The following PDE1A variants were observed in gnomAD, a reference collection of about 807,000 sequenced individuals.
PDE1A encodes the protein phosphodiesterase 1A, also known as dual specificity calcium/calmodulin-dependent 3',5'-cyclic nucleotide phosphodiesterase 1A.
PDE1A carries 35 observed loss-of-function variants against 61.7 expected under a neutral mutation model. The ratio of observed to expected loss-of-function variants is 0.57; its 90% CI spans 0.43 to 0.75. The LOEUF is 0.75. PDE1A is among the 30% of genes least tolerant of loss of function. The pLI is 0.00. For synonymous variants in PDE1A, 232 were observed against 213.2 expected (o/e 1.09, Z -0.77); for missense variants, 597 against 630.6 (o/e 0.95, Z 0.57).
At chr2:182,610,375 C>A in the PDE1A span, among the ~76,000 whole-genome samples, 10 of 152,224 alleles carry the variant, frequency 6.6e-5, no homozygotes, top group South Asian at 2.1e-4. Flanking sequence ...TTTCAGTGAA[C>A]TATCAGAGGG....
chr2:182,169,056 ATAATT>A (rs1424650362), intron 13 of PDE1A, among the ~76,000 whole-genome samples: 2 of 152,012 alleles, frequency 1.3e-5, no homozygotes, highest in African/African-American at 2.4e-5. Context: ...GCTATTTTTT[ATAATT>A]TAATATAAAT....
At chr2:182,423,262 C>T (rs772656689) in intron 1 of PDE1A, among the ~76,000 whole-genome samples, 12 of 151,792 alleles carry the variant, frequency 7.9e-5, no homozygotes, top group South Asian at 2.1e-4. Flanking sequence ...CCTCATGATA[C>T]GAAAATATAT....
downstream of PDE1A, among the ~76,000 whole-genome samples, chr2:182,166,643 A>G (rs1351912882): frequency 6.6e-6 from 1 of 152,054 alleles, no homozygotes; most frequent in Admixed American, 6.6e-5. Flanking sequence ...CTTTGCCTTT[A>G]TGACTGCATG....
intron 1 of PDE1A, among the ~76,000 whole-genome samples, chr2:182,286,183 C>G (rs919992807): frequency 1.3e-5 from 2 of 152,186 alleles, no homozygotes; most frequent in African/African-American, 4.8e-5. Flanking sequence ...ACTTCGAGAG[C>G]TCAAAATCAA....
chr2:182,357,624 A>C (rs1699271172), intron 1 of PDE1A, among the ~76,000 whole-genome samples: 1 of 152,164 alleles, frequency 6.6e-6, no homozygotes, highest in African/African-American at 2.4e-5. Context: ...TATTATTTAA[A>C]TAAGAATATC....
intron 2 of PDE1A, among the ~76,000 whole-genome samples, chr2:182,491,657 A>T (rs73044407): frequency 0.052 from 7,904 of 152,296 alleles, 375 homozygotes; most frequent in East Asian, 0.14. Context: ...AACGATCTAC[A>T]GCCATACCAC....
intron 13 of PDE1A, among the ~76,000 whole-genome samples, chr2:182,169,916 A>ACGCG (rs778813664): frequency 8.3e-6 from 1 of 121,090 alleles, no homozygotes; most frequent in African/African-American, 3.4e-5. Context: ...ACACACACAC[A>ACGCG]CACACGCACA....
intron 1 of PDE1A, among the ~76,000 whole-genome samples, chr2:182,300,527 G>A (rs187651515): frequency 8.5e-5 from 13 of 152,260 alleles, no homozygotes; most frequent in Admixed American, 7.2e-4. Flanking sequence ...CAATTGTGCA[G>A]GGGCAGAACA....
chr2:182,275,317 C>T (rs1273289800), intron 1 of PDE1A, among the ~76,000 whole-genome samples: 1 of 152,036 alleles, frequency 6.6e-6, no homozygotes, highest in African/African-American at 2.4e-5. Flanking sequence ...TGGCTTTTAC[C>T]TTCCTCCTCA....
chr2:182,668,949 C>A, the PDE1A span, among the ~76,000 whole-genome samples: 1 of 152,194 alleles, frequency 6.6e-6, no homozygotes, highest in South Asian at 2.1e-4. Flanking sequence ...AAACAGGTTA[C>A]ATAATGCATG....
intron 1 of PDE1A, among the ~76,000 whole-genome samples, chr2:182,277,385 G>A (rs76444750): frequency 0.048 from 7,296 of 152,132 alleles, 539 homozygotes; most frequent in African/African-American, 0.17. Context: ...TATTGCGGGC[G>A]GGTTCCCCCG....
intron 1 of PDE1A, among the ~76,000 whole-genome samples, chr2:182,327,816 G>A (rs1008166269): frequency 6.6e-6 from 1 of 152,210 alleles, no homozygotes; most frequent in African/African-American, 2.4e-5. Flanking sequence ...AGAAATGTGG[G>A]TTGAGGAGGG....
intron 1 of PDE1A, among the ~76,000 whole-genome samples, chr2:182,337,825 A>T (rs12987958): frequency 0.27 from 40,922 of 151,424 alleles, 5,604 homozygotes; most frequent in Middle Eastern, 0.37. Flanking sequence ...ATAGGATTTT[A>T]AAAAAAAAGA....
chr2:182,255,285 T>C (rs1354643856), intron 2 of PDE1A, among the ~76,000 whole-genome samples: 1 of 152,238 alleles, frequency 6.6e-6, no homozygotes, highest in African/African-American at 2.4e-5. Flanking sequence ...GGGTTTCCTA[T>C]CACTTACAAT....
At chr2:182,454,594 G>T (rs1024726463) in intron 2 of PDE1A, among the ~76,000 whole-genome samples, 1 of 151,648 alleles carries the variant, frequency 6.6e-6, no homozygotes, top group African/African-American at 2.4e-5. Flanking sequence ...GAACAGAACA[G>T]AGCCCTCAGA....
chr2:182,452,133 T>C (rs1476667720), intron 2 of PDE1A, among the ~76,000 whole-genome samples: 1 of 152,116 alleles, frequency 6.6e-6, no homozygotes. Flanking sequence ...AAATGATATA[T>C]ACTATGCTAT....
At chr2:182,588,784 C>T in the PDE1A span, among the ~76,000 whole-genome samples, 8 of 152,088 alleles carry the variant, frequency 5.3e-5, no homozygotes, top group Admixed American at 4.6e-4. Flanking sequence ...TGGCTCACGC[C>T]TGTAATCCCA....
the PDE1A span, among the ~76,000 whole-genome samples, chr2:182,547,214 G>A: frequency 6.6e-6 from 1 of 152,170 alleles, no homozygotes; most frequent in African/African-American, 2.4e-5. Flanking sequence ...CACATCCTGG[G>A]TGCTGGGTTT....
chr2:182,188,683 T>C (rs1189202224), intron 11 of PDE1A, among the ~76,000 whole-genome samples: 1 of 152,168 alleles, frequency 6.6e-6, no homozygotes, highest in East Asian at 1.9e-4. Context: ...CAGAAAACAA[T>C]AATCAGCAAC....
Sources: gnomAD v4.1 joint callset for allele counts (sites outside exome capture counted in the v4.1 genomes callset) on GRCh38, gnomAD v4.1.1 for gene constraint, MANE v1.5 for transcripts, NCBI Gene and HGNC (gene_info 2026-07-23, HGNC 2026-07-21) for gene names.